The following MAP7 variants were observed in gnomAD, a reference collection of about 807,000 sequenced individuals.
MAP7 encodes the protein microtubule associated protein 7, also known as ensconsin.
MAP7 carries 52 observed loss-of-function variants against 94.8 expected under a neutral mutation model. The ratio of observed to expected loss-of-function variants is 0.55; its 90% CI spans 0.44 to 0.69. The LOEUF (loss-of-function observed/expected upper bound fraction) is 0.69. Ranked by LOEUF, MAP7 falls within the 30% of genes least tolerant of loss-of-function variation. MAP7 has a pLI of 0.00. For missense variants in MAP7, 940 were observed against 964.6 expected (o/e 0.97, Z 0.34); for synonymous variants, 350 against 357.0 (o/e 0.98, Z 0.22).
intron 1 of MAP7, among the ~76,000 whole-genome samples, chr6:136,457,134 T>A (rs1582970916): frequency 3.5e-5 from 5 of 142,148 alleles, no homozygotes; most frequent in Non-Finnish European, 3.1e-5. Context: ...GCCACAGAAA[T>A]AAAAAGGACC....
chr6:136,382,049 A>G (rs149297012), intron 6 of MAP7, among the ~76,000 whole-genome samples: 202 of 152,302 alleles, frequency 1.3e-3, no homozygotes, highest in South Asian at 2.7e-3. Context: ...ATTAGCCTGT[A>G]GGACATTAAA....
At chr6:136,345,720 C>G (rs1251029106) in intron 17 of MAP7, 136 bp downstream of exon 17, 2 of 782,230 alleles carry the variant, frequency 2.6e-6, no homozygotes, top group East Asian at 2.5e-5. Context: ...CAGGCACAAT[C>G]TCTTCCACTG....
At chr6:136,521,142 G>T (rs1164934201) in intron 1 of MAP7, among the ~76,000 whole-genome samples, 1 of 152,166 alleles carries the variant, frequency 6.6e-6, no homozygotes. Context: ...GGGTGGCTGT[G>T]TCTTCCAATT....
chr6:136,478,435 AAAAC>A (rs1344800686), intron 1 of MAP7, among the ~76,000 whole-genome samples: 2 of 151,802 alleles, frequency 1.3e-5, no homozygotes, highest in East Asian at 2.0e-4. Context: ...AACAAAAACA[AAAAC>A]AAACAAAAAA....
chr6:136,475,294 T>C (rs1810506597), intron 1 of MAP7, among the ~76,000 whole-genome samples: 1 of 152,252 alleles, frequency 6.6e-6, no homozygotes, highest in African/African-American at 2.4e-5. Context: ...ATTATCTAAA[T>C]GTATTGCATA....
At chr6:136,455,478 CA>C (rs1802603968) in intron 1 of MAP7, among the ~76,000 whole-genome samples, 1 of 151,882 alleles carries the variant, frequency 6.6e-6, no homozygotes, top group Non-Finnish European at 1.5e-5. Context: ...CACGATAGAC[CA>C]AATGGACCTA....
intron 1 of MAP7, among the ~76,000 whole-genome samples, chr6:136,439,103 C>T (rs943917851): frequency 2.0e-5 from 3 of 152,044 alleles, no homozygotes; most frequent in Non-Finnish European, 2.9e-5. Context: ...TGTGTGTATC[C>T]GCCAAAATGG....
intron 1 of MAP7, among the ~76,000 whole-genome samples, chr6:136,520,630 C>T (rs918067556): frequency 4.6e-5 from 7 of 152,230 alleles, no homozygotes; most frequent in African/African-American, 1.4e-4. Context: ...TGAGGGGCTG[C>T]CCTTTGTGCC....
intron 1 of MAP7, among the ~76,000 whole-genome samples, chr6:136,505,539 G>C (rs758973053): frequency 6.6e-6 from 1 of 151,518 alleles, no homozygotes; most frequent in Admixed American, 6.6e-5. Context: ...CTAGACAATC[G>C]CTAGGCATCT....
intron 1 of MAP7, among the ~76,000 whole-genome samples, chr6:136,468,250 T>A (rs1419027127): frequency 2.8e-4 from 43 of 152,308 alleles, no homozygotes; most frequent in Middle Eastern, 3.4e-3. Flanking sequence ...GACTGGATAA[T>A]TCTTTGTTGT....
intron 8 of MAP7, among the ~76,000 whole-genome samples, chr6:136,370,678 A>T (rs1774191185): frequency 6.6e-6 from 1 of 152,162 alleles, no homozygotes; most frequent in Non-Finnish European, 1.5e-5. Flanking sequence ...ACACTGCATG[A>T]TTTCACTTTT....
At position 136,354,253 on chromosome 6, in the gene MAP7, T is replaced by A. The variant is rs181497182; in HGVS notation, c.2015+2439A>T. 6.4e-4 allele frequency among the ~76,000 whole-genome samples: 93 copies of A among 145,006 alleles called. 1 individual carries two copies. Among genetic ancestry groups the A allele is most frequent in the African/African-American group, 2.2e-3 (87 of 40,222 alleles). The stretch of plus-strand genomic sequence containing the variant: ...TTAAATTCCTATAAATATATATAAA[T>A]TTCCTTTAAAGGAAATATATATCTA... On this transcript the variant is annotated intron_variant, in intron 16 of 17. Coordinates refer to ENST00000354570, the MANE Select transcript of MAP7 (RefSeq NM_003980.6).
intron 1 of MAP7, among the ~76,000 whole-genome samples, chr6:136,522,320 G>A (rs1234148978): frequency 1.3e-5 from 2 of 151,934 alleles, no homozygotes; most frequent in African/African-American, 2.4e-5. Flanking sequence ...CACTCCTACC[G>A]ATTACATGGA....
Position 136,444,972 on chromosome 6 carries a change from T to A in MAP7, c.68-23173A>T, listed in dbSNP as rs1398231422. The stretch of plus-strand genomic sequence containing the variant: ...CTCTACTCTGTAGAGGTGAGATGTG[T>A]CGACTAACTGCTCAAGCCTACACCT... On this transcript the variant is annotated intron_variant, in intron 1 of 17. Coordinates refer to ENST00000354570, the MANE Select transcript of MAP7 (RefSeq NM_003980.6). 2.0e-5 allele frequency among the ~76,000 whole-genome samples: 3 copies of A among 152,188 alleles called. No homozygotes were observed. The East Asian group carries it at 5.8e-4, about 29-fold the overall frequency.
Position 136,526,279 on chromosome 6 carries a change from A to G in MAP7, c.67+24063T>C, listed in dbSNP as rs542172890. On this transcript the variant is annotated intron_variant, in intron 1 of 17. Transcript: ENST00000354570. ...CATGCATGCACGTACACGCGCGCGC[A>G]CACACACACACACACACACACTCCT... 2,814 of 306,364 alleles carry G rather than the reference A, an allele frequency of 9.2e-3. 28 individuals carry two copies. The highest frequency in any genetic ancestry group is 0.049 in the African/African-American group (2,074 of 42,652). 19.0% of individuals were successfully genotyped at this position (306,364 alleles called of 1,614,324 possible).
At chr6:136,403,073 A>G (rs2128716227) in intron 3 of MAP7, among the ~76,000 whole-genome samples, 1 of 152,186 alleles carries the variant, frequency 6.6e-6, no homozygotes, top group South Asian at 2.1e-4. Flanking sequence ...TACAGCCTTA[A>G]CCCTAAGTAC....
intron 1 of MAP7, among the ~76,000 whole-genome samples, chr6:136,473,826 A>T (rs994035163): frequency 6.6e-6 from 1 of 152,204 alleles, no homozygotes; most frequent in African/African-American, 2.4e-5. Flanking sequence ...GATGGTGGTG[A>T]TTCATTTACT....
intron 1 of MAP7, among the ~76,000 whole-genome samples, chr6:136,436,245 G>A (rs1796344786): frequency 6.6e-6 from 1 of 152,130 alleles, no homozygotes; most frequent in African/African-American, 2.4e-5. Context: ...TAATACTTTT[G>A]GATAAACTAT....
At chr6:136,515,467 C>T (rs951293117) in intron 1 of MAP7, among the ~76,000 whole-genome samples, 1 of 152,234 alleles carries the variant, frequency 6.6e-6, no homozygotes, top group Non-Finnish European at 1.5e-5. Flanking sequence ...AGGCTTTCAA[C>T]ATGCCTTCCC....
Sources: allele counts gnomAD v4.1 joint callset (sites outside exome capture counted in the v4.1 genomes callset), GRCh38; gene constraint gnomAD v4.1.1; transcripts MANE v1.5; gene names NCBI Gene and HGNC (gene_info 2026-07-23, HGNC 2026-07-21).